Variants in GFOD1 observed in about 807,000 individuals in gnomAD.
GFOD1 encodes the protein Gfo/Idh/MocA-like oxidoreductase domain containing 1, also known as glucose-fructose oxidoreductase domain-containing protein 1.
A neutral mutation model predicts 25.4 loss-of-function variants in GFOD1; 9 were observed. That is an observed-to-expected ratio of 0.35 (90% CI 0.21 to 0.62). The LOEUF (loss-of-function observed/expected upper bound fraction) is 0.62. GFOD1 is among the 20% of genes least tolerant of loss of function. The probability of loss-of-function intolerance (pLI) is 0.72; values close to 1 mark genes in which losing one functional copy is unlikely to be tolerated. For missense variants in GFOD1, 403 were observed against 556.9 expected, an observed-to-expected ratio of 0.72 and a Z score of 2.78; for synonymous variants, 253 against 245.6, an observed-to-expected ratio of 1.03 and a Z score of -0.28.
chr6:13,413,533 T>G (rs952660763), intron 1 of GFOD1, among the ~76,000 whole-genome samples: 1 of 152,218 alleles, frequency 6.6e-6, no homozygotes, highest in Non-Finnish European at 1.5e-5. Flanking sequence ...GGCAGGGAAC[T>G]TCCAGCTGGC....
intron 1 of GFOD1, chr6:13,486,272 T>A: frequency 4.2e-6 from 1 of 235,764 alleles, no homozygotes; most frequent in Non-Finnish European, 6.4e-6. Flanking sequence ...CACACACACT[T>A]GGACACTACA....
At chr6:13,400,717 A>G (rs1785824938) in intron 1 of GFOD1, among the ~76,000 whole-genome samples, 1 of 152,226 alleles carries the variant, frequency 6.6e-6, no homozygotes, top group African/African-American at 2.4e-5. Flanking sequence ...TTACATGCAG[A>G]TGAACATTTC....
intron 1 of GFOD1, among the ~76,000 whole-genome samples, chr6:13,387,481 G>A (rs543220536): frequency 2.8e-4 from 43 of 152,202 alleles, no homozygotes; most frequent in South Asian, 1.9e-3. Flanking sequence ...ATCAATAAAC[G>A]TAATCCATCA....
At chr6:13,449,803 T>A (rs1297152136) in intron 1 of GFOD1, among the ~76,000 whole-genome samples, 1 of 152,124 alleles carries the variant, frequency 6.6e-6, no homozygotes, top group African/African-American at 2.4e-5. Flanking sequence ...GAACTGTGAG[T>A]CCATTAAACC....
At chr6:13,475,754 A>T (rs182702932) in intron 1 of GFOD1, among the ~76,000 whole-genome samples, 8 of 133,356 alleles carry the variant, frequency 6.0e-5, no homozygotes, top group African/African-American at 2.6e-4. Flanking sequence ...AATAATAATA[A>T]TAATAATAAT....
chr6:13,380,129 G>C (rs1362488981), intron 1 of GFOD1, among the ~76,000 whole-genome samples: 7 of 152,208 alleles, frequency 4.6e-5, no homozygotes. Context: ...TTCAAAACAA[G>C]TTGGTGGCAG....
In GFOD1 at chr6:13,364,738, C is replaced by G. The variant is rs1473312592; in HGVS notation, c.*5G>C. The G allele has an allele frequency of 1.2e-6, 2 of 1,600,154 alleles. No individual in the cohort carries two copies. The highest frequency in any genetic ancestry group is 1.1e-5 in the South Asian group (1 of 90,706). On this transcript the variant is annotated 3_prime_UTR_variant, in exon 2 of 2. Coordinates refer to ENST00000379287, the MANE Select transcript of GFOD1 (RefSeq NM_018988.4). The surrounding 1 kb of genome is among the most constrained non-coding windows in gnomAD (Gnocchi z 4.1). ...GGCTCAAGTCCCCGAGGTTCTCAAT[C>G]TGTGCTAACAGTAGAGGGACATCCT...
At chr6:13,412,771 G>C (rs755437883) in intron 1 of GFOD1, among the ~76,000 whole-genome samples, 3 of 152,154 alleles carry the variant, frequency 2.0e-5, no homozygotes, top group Non-Finnish European at 4.4e-5. Flanking sequence ...CCTGTGCTCT[G>C]AGCACTTCCC....
At chr6:13,417,615 G>A (rs1377081619) in intron 1 of GFOD1, among the ~76,000 whole-genome samples, 4 of 152,172 alleles carry the variant, frequency 2.6e-5, no homozygotes, top group Non-Finnish European at 4.4e-5. Context: ...TAGTACAGTC[G>A]GTGTAACCAA....
At chr6:13,432,795 C>T (rs1171591632) in intron 1 of GFOD1, among the ~76,000 whole-genome samples, 1 of 152,174 alleles carries the variant, frequency 6.6e-6, no homozygotes. Context: ...GCCTCTCCTC[C>T]CACCTTGCTC....
chr6:13,425,458 G>A (rs1786335608), intron 1 of GFOD1, among the ~76,000 whole-genome samples: 1 of 152,164 alleles, frequency 6.6e-6, no homozygotes, highest in South Asian at 2.1e-4. Flanking sequence ...TGGGGCTGAT[G>A]TTCCCCAGGC....
chr6:13,454,399 T>C (rs148588080), intron 1 of GFOD1, among the ~76,000 whole-genome samples: 1,729 of 152,302 alleles, frequency 0.011, 34 homozygotes, highest in African/African-American at 0.039. Context: ...GCAATGCCAA[T>C]ACATAATCCT....
At chr6:13,458,436 T>A (rs1239447949) in intron 1 of GFOD1, among the ~76,000 whole-genome samples, 1 of 152,104 alleles carries the variant, frequency 6.6e-6, no homozygotes, top group East Asian at 1.9e-4. Context: ...CAATATTTTA[T>A]ATACTATTTC....
Position 13,381,914 on chromosome 6 carries a change from C to CGT in GFOD1, c.254-16253_254-16252insAC, listed in dbSNP as rs147279188. 3.6e-3 allele frequency among the ~76,000 whole-genome samples: 295 copies of CGT among 82,208 alleles called. 1 individual carries two copies. Among genetic ancestry groups the CGT allele is most frequent in the East Asian group, 0.012 (40 of 3,348 alleles). The allele number at this position is 82,208 out of a possible 152,430, so 53.9% of individuals were successfully genotyped here. A position where few individuals can be genotyped will look rare whatever the true frequency, so the allele number is the denominator to read the frequency against. ...GAGAAATAAAACACACACGCGCGCGCGCACACACACACACACACACACACA... is the reference window on the plus strand; with the variant it reads ...GAGAAATAAAACACACACGCGCGCGCGTGCACACACACACACACACACACACA... On this transcript the variant is annotated intron_variant, in intron 1 of 1. Transcript: ENST00000379287.
intron 1 of GFOD1, among the ~76,000 whole-genome samples, chr6:13,468,691 T>C (rs914485823): frequency 3.9e-5 from 6 of 152,202 alleles, no homozygotes; most frequent in African/African-American, 1.4e-4. Context: ...TGGTTTCCCC[T>C]GGGTGTTAGG....
In GFOD1 at chr6:13,365,084, G is replaced by T; in HGVS notation, c.832C>A (p.Leu278Met). The T allele has an allele frequency of 6.2e-7, 1 of 1,612,072 alleles. No homozygotes were observed. Among genetic ancestry groups the T allele is most frequent in the Non-Finnish European group, 8.5e-7 (1 of 1,179,858 alleles). Reference sequence around the variant, plus strand: ...CTCACCGGCGTGGCGTCCTGCACCAGCAGCTCCTGCTCCGGGGCGCTGTTG... The same window carrying T: ...CTCACCGGCGTGGCGTCCTGCACCATCAGCTCCTGCTCCGGGGCGCTGTTG... ...QRNSAPEQEL[L>M]VQDATPVSNS... The change falls in exon 2 of 2, where the codon CTG becomes ATG. Residue 278 changes from leucine (L) to methionine (M), a missense_variant. Transcript: ENST00000379287. This position sits in a 1 kb window ranked among gnomAD's most constrained non-coding sequence, Gnocchi z 9.2.
chr6:13,421,670 C>T (rs1242480415), intron 1 of GFOD1, among the ~76,000 whole-genome samples: 1 of 152,172 alleles, frequency 6.6e-6, no homozygotes, highest in Non-Finnish European at 1.5e-5. Context: ...TCTTTATTAG[C>T]CTTCCCTCCC....
intron 1 of GFOD1, among the ~76,000 whole-genome samples, chr6:13,443,816 T>TA (rs34976657): frequency 0.53 from 59,079 of 111,948 alleles, 17,407 homozygotes; most frequent in South Asian, 0.66. Context: ...GACTCAGTCT[T>TA]AAAAAAAAAA....
intron 1 of GFOD1, among the ~76,000 whole-genome samples, chr6:13,387,971 T>C (rs1019443454): frequency 1.3e-5 from 2 of 151,948 alleles, no homozygotes; most frequent in Non-Finnish European, 2.9e-5. Flanking sequence ...TATACAACAA[T>C]AACAGACAGA....
Sources: gnomAD v4.1 joint callset for allele counts (sites outside exome capture counted in the v4.1 genomes callset) on GRCh38, gnomAD v4.1.1 for gene constraint, Gnocchi (gnomAD v3.1) non-coding constraint, MANE v1.5 for transcripts, NCBI Gene and HGNC (gene_info 2026-07-23, HGNC 2026-07-21) for gene names.